PCDHGB2: variants seen among roughly 807,000 people sequenced by gnomAD.
PCDHGB2 encodes protocadherin gamma-B2.
A neutral mutation model predicts 59.3 loss-of-function variants in PCDHGB2; 55 were observed. That is an observed-to-expected ratio of 0.93 (90% CI 0.75 to 1.16). The LOEUF (loss-of-function observed/expected upper bound fraction) is 1.16, where lower values mean the gene tolerates loss of function less well. Ranked by LOEUF, PCDHGB2 falls within the 50% of genes most tolerant of loss-of-function variation. The pLI is 0.00. For synonymous variants in PCDHGB2, 516 were observed against 512.0 expected (o/e 1.01, Z -0.11); for missense variants, 1,228 against 1,198.5 (o/e 1.02, Z -0.36).
chr5:141,441,867 G>T, intron 1 of PCDHGB2: 1 of 345,800 alleles, frequency 2.9e-6, no homozygotes, highest in Non-Finnish European at 5.6e-6. Flanking sequence ...ACGCCGCGGA[G>T]CCTGGCTACC....
intron 1 of PCDHGB2, among the ~76,000 whole-genome samples, chr5:141,470,360 T>G (rs1554150725): frequency 6.6e-6 from 1 of 152,142 alleles, no homozygotes; most frequent in Non-Finnish European, 1.5e-5. Context: ...ATAGACACAT[T>G]AGGTTGAATG....
chr5:141,370,462 C>T lies in PCDHGB2; in HGVS notation c.2421+7906C>T. 1.9e-6 allele frequency: 3 copies of T among 1,612,864 alleles called. No homozygotes were observed. In the South Asian group the frequency reaches 3.3e-5, roughly 18 times the overall value. Reference sequence around the variant, plus strand: ...CGAATGCTATTTCTCTTCCTGCTCTCTTTGTTAGACCAGGCTCTCTCCGAA... The same window carrying T: ...CGAATGCTATTTCTCTTCCTGCTCTTTTTGTTAGACCAGGCTCTCTCCGAA... On this transcript the variant is annotated intron_variant, in intron 1 of 3. Coordinates refer to ENST00000522605, the MANE Select transcript of PCDHGB2 (RefSeq NM_018923.3).
Position 141,447,048 on chromosome 5 carries a change from A to G in PCDHGB2, c.2422-47759A>G, listed in dbSNP as rs149112101. Among the ~76,000 whole-genome samples, 216 of 152,182 alleles carry G rather than the reference A, an allele frequency of 1.4e-3. 1 individual carries two copies. Among genetic ancestry groups the G allele is most frequent in the African/African-American group, 4.8e-3 (198 of 41,512 alleles). On this transcript the variant is annotated intron_variant, in intron 1 of 3. Transcript: ENST00000522605. ...GTTTTTTTTCTGTGTCTGGAATTCT[A>G]TTAAAATGTGTCAGGCTGTTTTAAT...
chr5:141,360,926 T>A lies in PCDHGB2; in HGVS notation c.791T>A (p.Val264Glu). ...CCGCCGGGCTTCTTTGTGCTTCAAG[T>A]GACAGCCACCGACCGGGATGAAGGC... ...DVPPGFFVLQ[V>E]TATDRDEGIN... Residue 264 changes from valine to glutamate, a missense_variant, in exon 1 of 4, where the codon GTG (valine) becomes GAG (glutamate). Transcript: ENST00000522605. 1 of 1,613,986 alleles carries A rather than the reference T, an allele frequency of 6.2e-7. No homozygotes were observed. The highest frequency in any genetic ancestry group is 8.5e-7 in the Non-Finnish European group (1 of 1,179,892).
rs1219684339 is a variant in PCDHGB2, at chr5:141,506,444, CAA to C, written c.2569+983_2569+984del. Among the ~76,000 whole-genome samples the C allele has an allele frequency of 5.9e-3, 564 of 95,004 alleles. 2 individuals carry two copies. The highest frequency in any genetic ancestry group is 0.013 in the African/African-American group (317 of 25,186). 62.3% of individuals were successfully genotyped at this position (95,004 alleles called of 152,430 possible). Reference sequence around the variant, plus strand: ...CCTGGGCAACAGTCTCGCTCTGTCTCAAAAAAAAAAAAAAAAAAAAAGAGCAC... The same window carrying C: ...CCTGGGCAACAGTCTCGCTCTGTCTCAAAAAAAAAAAAAAAAAAAGAGCAC... On this transcript the variant is annotated intron_variant, in intron 3 of 3. Transcript: ENST00000522605.
intron 1 of PCDHGB2, chr5:141,400,123 G>T: frequency 6.2e-7 from 1 of 1,614,082 alleles, no homozygotes; most frequent in Non-Finnish European, 8.5e-7. Flanking sequence ...CAGCTTGCAG[G>T]AGGTGCTGCC....
In PCDHGB2 at chr5:141,476,742, G is replaced by C. The variant is rs1015622831; in HGVS notation, c.2422-18065G>C. 8.7e-6 allele frequency: 14 copies of C among 1,613,936 alleles called. No homozygotes were observed. Among genetic ancestry groups the C allele is most frequent in the Non-Finnish European group, 1.1e-5 (13 of 1,180,032 alleles). On this transcript the variant is annotated intron_variant, in intron 1 of 3. Transcript: ENST00000522605. The surrounding 1 kb of genome is among the most constrained non-coding windows in gnomAD (Gnocchi z 7.6). ...GCCCTGGACCGAGAACGGGAGCCTA[G>C]TCTCCAGTTAGTGCTGACGGCGTTG...
In PCDHGB2 at chr5:141,485,186, G is replaced by T; in HGVS notation, c.2422-9621G>T. ...GCGGGCGGCAGCAATGCTCCGCAAG[G>T]TGAGAAGCTGGACAGAAATCTGGCG... On this transcript the variant is annotated intron_variant, in intron 1 of 3. Coordinates refer to ENST00000522605, the MANE Select transcript of PCDHGB2 (RefSeq NM_018923.3). This position sits in a 1 kb window ranked among gnomAD's most constrained non-coding sequence, Gnocchi z 5.7. 1 of 1,613,706 alleles carries T rather than the reference G, an allele frequency of 6.2e-7. No individual in the cohort carries two copies. The highest frequency in any genetic ancestry group is 8.5e-7 in the Non-Finnish European group (1 of 1,179,644).
rs1273300607 is a variant in PCDHGB2 at position 141,361,081 on chromosome 5, A to T, written c.946A>T (p.Thr316Ser). 3.1e-6 allele frequency: 5 copies of T among 1,613,948 alleles called. No individual in the cohort carries two copies. The highest frequency in any genetic ancestry group is 4.2e-6 in the Non-Finnish European group (5 of 1,179,850). ...GGATTTTGAGATTGCAAGTAGTTAC[A>T]CTCTGAGTATCGAAGCAAAAGATCC... ...DLDFEIASSY[T>S]LSIEAKDPGD... Residue 316 changes from threonine (T) to serine (S), a missense_variant, in exon 1 of 4, where the codon ACT (threonine) becomes TCT (serine). Thr to Ser is a moderately conservative substitution (Grantham distance 58, BLOSUM62 1). Around this residue, in one of 3 missense-constraint regions of PCDHGB2, gnomAD observed 781 missense variants for 721.6 expected, o/e 1.08. Transcript: ENST00000522605.
At chr5:141,510,579 C>T (rs2099881748) in intron 3 of PCDHGB2, among the ~76,000 whole-genome samples, 1 of 152,170 alleles carries the variant, frequency 6.6e-6, no homozygotes, top group Non-Finnish European at 1.5e-5. Flanking sequence ...CACTATTTTA[C>T]GTACCTGACA....
At position 141,433,110 on chromosome 5, in the gene PCDHGB2, G is replaced by A. The variant is rs1031253372; in HGVS notation, c.2422-61697G>A. On this transcript the variant is annotated intron_variant, in intron 1 of 3. Coordinates refer to ENST00000522605, the MANE Select transcript of PCDHGB2 (RefSeq NM_018923.3). Reference sequence around the variant, plus strand: ...GCAGACATGCTCGTCAGCCAGGAGAGCTTTGAAAAAAGCGAGCCCCTTTTG... The same window carrying A: ...GCAGACATGCTCGTCAGCCAGGAGAACTTTGAAAAAAGCGAGCCCCTTTTG... 3.1e-6 allele frequency: 5 copies of A among 1,613,982 alleles called. No homozygotes were observed. The African/African-American group carries it at 5.3e-5, about 17-fold the overall frequency.
At chr5:141,393,303 G>C in intron 1 of PCDHGB2, 1 of 1,613,764 alleles carries the variant, frequency 6.2e-7, no homozygotes, top group Non-Finnish European at 8.5e-7. Context: ...GGATGTGGGC[G>C]TGAACTCCCT....
In PCDHGB2 at chr5:141,414,957, G is replaced by C. The variant is rs550492051; in HGVS notation, c.2421+52401G>C. 9.2e-5 allele frequency: 148 copies of C among 1,614,018 alleles called. No homozygotes were observed. Among genetic ancestry groups the C allele is most frequent in the Non-Finnish European group, 1.2e-4 (144 of 1,180,044 alleles). ...CAGAGCCCGGCTACCTGGTGACCAA[G>C]GTGGTGGCGGTGGACAGAGACTCCG... is the stretch of plus-strand genomic sequence containing the variant. On this transcript the variant is annotated intron_variant, in intron 1 of 3. Coordinates refer to ENST00000522605, the MANE Select transcript of PCDHGB2 (RefSeq NM_018923.3).
chr5:141,434,506 T>C (rs2154556236), intron 1 of PCDHGB2, among the ~76,000 whole-genome samples: 2 of 152,344 alleles, frequency 1.3e-5, no homozygotes, highest in East Asian at 3.9e-4. Context: ...GGCAGAAAAC[T>C]GCTTAAAGGT....
At chr5:141,388,438 A>C in intron 1 of PCDHGB2, 4 of 1,613,906 alleles carry the variant, frequency 2.5e-6, no homozygotes, top group Non-Finnish European at 3.4e-6. Flanking sequence ...AATAAAGAGA[A>C]ATCAGATGGC....
intron 1 of PCDHGB2, chr5:141,415,749 T>C: frequency 8.2e-7 from 1 of 1,214,000 alleles, no homozygotes; most frequent in Non-Finnish European, 1.1e-6. Flanking sequence ...GGTTTTTTTT[T>C]TTTTTTTTTT....
chr5:141,490,103 C>T lies in PCDHGB2; in HGVS notation c.2422-4704C>T, dbSNP rs1012215533. ...TCTTTTGGAGACCACACATCTGAGG[C>T]AGTGCGGAACCTCTTTGGCCTAGAC... On this transcript the variant is annotated intron_variant, in intron 1 of 3. Coordinates refer to ENST00000522605, the MANE Select transcript of PCDHGB2 (RefSeq NM_018923.3). The surrounding 1 kb of genome is among the most constrained non-coding windows in gnomAD (Gnocchi z 5.4). The T allele has an allele frequency of 6.2e-7, 1 of 1,614,122 alleles. No homozygotes were observed. The highest frequency in any genetic ancestry group is 1.3e-5 in the African/African-American group (1 of 74,954).
chr5:141,432,482 G>T lies in PCDHGB2; in HGVS notation c.2422-62325G>T, dbSNP rs768206517. 2.5e-6 allele frequency: 4 copies of T among 1,614,060 alleles called. No individual in the cohort carries two copies. Among genetic ancestry groups the T allele is most frequent in the Non-Finnish European group, 3.4e-6 (4 of 1,180,052 alleles). ...CCTCCCCACGGACGGTTCCACTGGC[G>T]TGGAGCTGGCTCCCCGCTCCGCAGA... On this transcript the variant is annotated intron_variant, in intron 1 of 3. Transcript: ENST00000522605. The surrounding 1 kb of genome is among the most constrained non-coding windows in gnomAD (Gnocchi z 6.0).
chr5:141,386,463 C>T (rs2090584678), intron 1 of PCDHGB2, among the ~76,000 whole-genome samples: 1 of 152,034 alleles, frequency 6.6e-6, no homozygotes, highest in Admixed American at 6.6e-5. Context: ...ACAGCTTGAA[C>T]CCAAGAATTG....
Sources: allele counts gnomAD v4.1 joint callset (sites outside exome capture counted in the v4.1 genomes callset), GRCh38; gene constraint gnomAD v4.1.1; regional missense constraint gnomAD v4.1.1; non-coding constraint Gnocchi (gnomAD v3.1); transcripts MANE v1.5; gene names NCBI Gene and HGNC (gene_info 2026-07-23, HGNC 2026-07-21).